Variants in SPATA6 observed in about 807,000 individuals in gnomAD.
The protein encoded by SPATA6 is spermatogenesis-associated protein 6.
A neutral mutation model predicts 65.3 loss-of-function variants in SPATA6; 56 were observed. The ratio of observed to expected loss-of-function variants is 0.86; its 90% CI spans 0.69 to 1.07. The LOEUF (loss-of-function observed/expected upper bound fraction) is 1.07. SPATA6 is among the 50% of genes least tolerant of loss of function. SPATA6 has a pLI of 0.00. For missense variants in SPATA6, 590 were observed against 594.8 expected, an observed-to-expected ratio of 0.99 and a Z score of 0.08; for synonymous variants, 199 against 213.2, an observed-to-expected ratio of 0.93 and a Z score of 0.58.
At chr1:48,354,853 CTG>C (rs1330855126) in intron 11 of SPATA6, among the ~76,000 whole-genome samples, 2 of 152,034 alleles carry the variant, frequency 1.3e-5, no homozygotes, top group Non-Finnish European at 2.9e-5. Flanking sequence ...TTACATGAGA[CTG>C]TTAATTTTAT....
chr1:48,313,860 T>C (rs533746727), intron 11 of SPATA6, among the ~76,000 whole-genome samples: 76 of 151,492 alleles, frequency 5.0e-4, no homozygotes, highest in Non-Finnish European at 9.4e-4. Context: ...ATCAAGCAAA[T>C]GGAAAACAAA....
intron 11 of SPATA6, among the ~76,000 whole-genome samples, chr1:48,327,868 T>C (rs1645808830): frequency 6.6e-6 from 1 of 152,160 alleles, no homozygotes; most frequent in Non-Finnish European, 1.5e-5. Flanking sequence ...TTCTGCACAA[T>C]GTTCACTATT....
intron 11 of SPATA6, among the ~76,000 whole-genome samples, chr1:48,308,532 C>T (rs1266790278): frequency 1.3e-5 from 2 of 152,098 alleles, no homozygotes; most frequent in African/African-American, 4.8e-5. Context: ...TACCTAGTTA[C>T]CATTATCATT....
chr1:48,421,896 C>T (rs953422935), intron 3 of SPATA6, among the ~76,000 whole-genome samples: 5 of 151,790 alleles, frequency 3.3e-5, no homozygotes, highest in Admixed American at 2.0e-4. Flanking sequence ...GTAAAAATGG[C>T]AATTCTCCCA....
intron 8 of SPATA6, among the ~76,000 whole-genome samples, chr1:48,388,265 C>T (rs2147879012): frequency 6.6e-6 from 1 of 152,158 alleles, no homozygotes; most frequent in African/African-American, 2.4e-5. Flanking sequence ...ACAGAGACTA[C>T]ACCACTGCAT....
chr1:48,418,804 G>A (rs1653046441), intron 3 of SPATA6, among the ~76,000 whole-genome samples: 1 of 71,668 alleles, frequency 1.4e-5, no homozygotes, highest in Non-Finnish European at 4.4e-5. Context: ...AAGGAAGGAG[G>A]GAAGGAGGGA....
chr1:48,287,662 T>G, the SPATA6 span, among the ~76,000 whole-genome samples: 15 of 152,374 alleles, frequency 9.8e-5, no homozygotes, highest in South Asian at 3.1e-3. Context: ...GCTCTCCCTT[T>G]GCCTTCTGCC....
chr1:48,386,501 T>C (rs1416218408), intron 8 of SPATA6, among the ~76,000 whole-genome samples: 1 of 152,128 alleles, frequency 6.6e-6, no homozygotes, highest in African/African-American at 2.4e-5. Flanking sequence ...ATACATTGAA[T>C]AGATCAGCCA....
At chr1:48,410,488 G>A (rs563615208) in intron 5 of SPATA6, among the ~76,000 whole-genome samples, 9 of 152,152 alleles carry the variant, frequency 5.9e-5, no homozygotes, top group African/African-American at 1.4e-4. Context: ...CCACATTCTC[G>A]GGTATCTTAT....
rs898026447 is a variant in SPATA6 at position 48,305,203 on chromosome 1, T to A, written c.1286+584A>T. Among the ~76,000 whole-genome samples, 4 of 152,198 alleles carry A rather than the reference T, an allele frequency of 2.6e-5. No homozygotes were observed. The East Asian group carries it at 7.7e-4, about 29-fold the overall frequency. ...ATTCCATTCTTTGGAGCTTTGTTTCTTATGTTTGTTCCTCAGGAATCTCAG... is the reference window on the plus strand; with the variant it reads ...ATTCCATTCTTTGGAGCTTTGTTTCATATGTTTGTTCCTCAGGAATCTCAG... On this transcript the variant is annotated intron_variant, in intron 12 of 12. Coordinates refer to ENST00000371847, the MANE Select transcript of SPATA6 (RefSeq NM_019073.4).
At chr1:48,471,880 G>A in intron 1 of SPATA6, 78 bp downstream of exon 1, 1 of 1,525,164 alleles carries the variant, frequency 6.6e-7, no homozygotes. Context: ...AGGTTTGGGG[G>A]TGGTTCCGGG....
intron 12 of SPATA6, among the ~76,000 whole-genome samples, chr1:48,301,303 G>C (rs1327916989): frequency 6.8e-6 from 1 of 147,420 alleles, no homozygotes; most frequent in Non-Finnish European, 1.5e-5. Context: ...AAAAAAAAAA[G>C]CCAGAAAAGT....
intron 8 of SPATA6, among the ~76,000 whole-genome samples, chr1:48,393,637 T>G (rs562988583): frequency 6.6e-6 from 1 of 152,242 alleles, no homozygotes; most frequent in South Asian, 2.1e-4. Context: ...TTGTCTGAAT[T>G]AGTCTGCTCA....
At chr1:48,429,110 G>A (rs763682520) in intron 3 of SPATA6, among the ~76,000 whole-genome samples, 2 of 150,892 alleles carry the variant, frequency 1.3e-5, no homozygotes, top group Non-Finnish European at 2.9e-5. Context: ...GGAGCAACCT[G>A]CACACAGGTT....
intron 11 of SPATA6, among the ~76,000 whole-genome samples, chr1:48,314,164 T>C (rs1372361963): frequency 1.3e-5 from 2 of 152,206 alleles, no homozygotes; most frequent in Admixed American, 6.5e-5. Flanking sequence ...TATCCAGGAA[T>C]TGAACTCAGC....
At chr1:48,336,843 C>T (rs779777922) in intron 11 of SPATA6, among the ~76,000 whole-genome samples, 4 of 151,812 alleles carry the variant, frequency 2.6e-5, no homozygotes, top group Non-Finnish European at 5.9e-5. Context: ...ATCTTCATAT[C>T]ATTCAGTTTG....
intron 3 of SPATA6, among the ~76,000 whole-genome samples, chr1:48,415,593 G>T (rs1056726809): frequency 2.0e-5 from 3 of 150,396 alleles, no homozygotes; most frequent in Admixed American, 2.0e-4. Flanking sequence ...AAAGCTTAAA[G>T]ATATGACAAC....
In SPATA6 at chr1:48,436,715, A is replaced by G. The variant is rs574132027; in HGVS notation, c.238+14837T>C. On this transcript the variant is annotated intron_variant, in intron 3 of 12. Transcript: ENST00000371847. ...TTACATGGGTATAATGTGAAGTCAG[A>G]TATTTACAGTGTTGGGATTACAGCA... 1.8e-5 allele frequency: 29 copies of G among 1,614,240 alleles called. No homozygotes were observed. In the South Asian group the frequency reaches 2.0e-4, roughly 11 times the overall value.
intron 11 of SPATA6, among the ~76,000 whole-genome samples, chr1:48,321,415 TTATAAAAA>T (rs898737485): frequency 6.6e-6 from 1 of 152,044 alleles, no homozygotes; most frequent in African/African-American, 2.4e-5. Context: ...AAGATACAAA[TTATAAAAA>T]GAGACAAGTT....
Sources: gnomAD v4.1 joint callset for allele counts (sites outside exome capture counted in the v4.1 genomes callset) on GRCh38, gnomAD v4.1.1 for gene constraint, MANE v1.5 for transcripts, NCBI Gene and HGNC (gene_info 2026-07-23, HGNC 2026-07-21) for gene names.